MTA1: variants seen among roughly 807,000 people sequenced by gnomAD.
MTA1 encodes metastasis-associated protein MTA1.
MTA1 carries 15 observed loss-of-function variants against 97.0 expected under a neutral mutation model. The ratio of observed to expected loss-of-function variants is 0.15; its 90% CI spans 0.10 to 0.24. The LOEUF (loss-of-function observed/expected upper bound fraction) is 0.24, where lower values mean the gene tolerates loss of function less well. Among genes scored for constraint, MTA1 ranks in the 10% least tolerant of loss-of-function variants. The pLI, the probability that MTA1 is intolerant of heterozygous loss-of-function variation, is 1.00. For missense variants in MTA1, 709 were observed against 1,015.1 expected, an observed-to-expected ratio of 0.70 and a Z score of 4.10; for synonymous variants, 435 against 417.5, an observed-to-expected ratio of 1.04 and a Z score of -0.51.
intron 1 of MTA1, among the ~76,000 whole-genome samples, chr14:105,431,107 T>C (rs1555423239): frequency 6.6e-6 from 1 of 152,216 alleles, no homozygotes. Context: ...TGACACTGCT[T>C]ACCTGGAGAG....
chr14:105,449,236 G>A (rs1456778808), intron 3 of MTA1, 123 bp from the exon 4 acceptor site: 2 of 925,806 alleles, frequency 2.2e-6, no homozygotes, highest in Admixed American at 3.0e-5. Context: ...CCCACCGGGA[G>A]GCCTGCGGCC....
chr14:105,460,442 C>T lies in MTA1; in HGVS notation c.738C>T (p.Ser246=), dbSNP rs191162842. Residue 246 remains serine, a synonymous_variant, in exon 9 of 21, where the codon TCC becomes TCT. Transcript: ENST00000331320. ...PSLHMSAAAA[S]RDITLFHAMD... ...TGCACATGAGCGCCGCAGCTGCCTC[C>T]CGAGACATCACCCTGGTAAGTGGGC... 2.2e-5 allele frequency: 36 copies of T among 1,610,580 alleles called. No homozygotes were observed. The East Asian group carries it at 7.1e-4, about 32-fold the overall frequency.
chr14:105,424,363 T>A lies in MTA1; in HGVS notation c.28+4300T>A, dbSNP rs1555421746. ...CGCCCGCCACCATGCCTGGCTAATG[T>A]TTTGTAATTTTTTTTTTTTTGTAGA... is the stretch of plus-strand genomic sequence containing the variant. On this transcript the variant is annotated intron_variant, in intron 1 of 20. Transcript: ENST00000331320. The surrounding 1 kb of genome is among the most constrained non-coding windows in gnomAD (Gnocchi z 4.0). Among the ~76,000 whole-genome samples, 1 of 151,906 alleles carries A rather than the reference T, an allele frequency of 6.6e-6. No individual in the cohort carries two copies. The highest frequency in any genetic ancestry group is 1.5e-5 in the Non-Finnish European group (1 of 67,996).
In MTA1 at chr14:105,463,869, T is replaced by C. The variant is rs1361634968; in HGVS notation, c.1077-163T>C. On this transcript the variant is annotated intron_variant, in intron 12 of 20. Transcript: ENST00000331320. The surrounding 1 kb of genome is among the most constrained non-coding windows in gnomAD (Gnocchi z 5.9). ...GAACGGCTCAGACCTCAGCAGTGGC[T>C]CCCAGGAACTGAAAGGGGAGAAAGG... 3 of 725,542 alleles carry C rather than the reference T, an allele frequency of 4.1e-6. No individual in the cohort carries two copies. The highest frequency in any genetic ancestry group is 2.9e-4 in the Middle Eastern group (1 of 3,490). The allele number at this position is 725,542 out of a possible 1,614,324, so 44.9% of individuals were successfully genotyped here.
chr14:105,451,304 G>A (rs955424414), intron 6 of MTA1, among the ~76,000 whole-genome samples: 8 of 152,258 alleles, frequency 5.3e-5, no homozygotes, highest in Non-Finnish European at 8.8e-5. Context: ...AGGCGTGAAG[G>A]GCGACAGTGG....
At chr14:105,467,747 A>C in intron 18 of MTA1, 1 of 307,774 alleles carries the variant, frequency 3.2e-6, no homozygotes, top group Non-Finnish European at 6.4e-6. Context: ...GGGCCAGCCC[A>C]CTCTGGGCTG....
chr14:105,467,283 G>T (rs782377796), intron 18 of MTA1: 29 of 400,886 alleles, frequency 7.2e-5, no homozygotes, highest in Middle Eastern at 8.3e-4. Context: ...ACCAAGCCTA[G>T]CATGAGGAGG....
intron 10 of MTA1, among the ~76,000 whole-genome samples, chr14:105,462,402 C>G (rs2083391049): frequency 6.6e-6 from 1 of 151,554 alleles, no homozygotes; most frequent in South Asian, 2.1e-4. Flanking sequence ...AACGCCATGT[C>G]TACTAAAAAT....
At position 105,463,584 on chromosome 14, in the gene MTA1, G is replaced by A. The variant is rs587613496; in HGVS notation, c.1076+33G>A. ...TGCCCTCACAGCCGTCGTCCTCGTG[G>A]CCCCGGGGGCCAGGGAGGGTGGGCA... On this transcript the variant is annotated intron_variant, in intron 12 of 20. Transcript: ENST00000331320. This position sits in a 1 kb window ranked among gnomAD's most constrained non-coding sequence, Gnocchi z 5.9. 4.4e-6 allele frequency: 7 copies of A among 1,608,382 alleles called. No individual in the cohort carries two copies. The highest frequency in any genetic ancestry group is 6.0e-6 in the Non-Finnish European group (7 of 1,176,078).
rs781849930 is a variant in MTA1 at position 105,450,054 on chromosome 14, T to G, written c.242-4T>G. On this transcript the variant is annotated splice_polypyrimidine_tract_variant and splice_region_variant and intron_variant, in intron 4 of 20. Coordinates refer to ENST00000331320, the MANE Select transcript of MTA1 (RefSeq NM_004689.4). ...GGTGCTGACAGGGGCTCCTTGTCCT[T>G]CAGGGGAAATAGAAGAGGAAATGGA... 3.0e-5 allele frequency: 49 copies of G among 1,613,328 alleles called. No individual in the cohort carries two copies. The highest frequency in any genetic ancestry group is 4.0e-5 in the Non-Finnish European group (47 of 1,179,848).
chr14:105,460,641 C>T, intron 9 of MTA1, 124 bp from the exon 10 acceptor site: 1 of 1,249,434 alleles, frequency 8.0e-7, no homozygotes, highest in Non-Finnish European at 1.1e-6. Context: ...GCTGAGGGTG[C>T]AGGGAGGGTT....
At chr14:105,450,735 TAC>T (rs1449478230) in intron 6 of MTA1, among the ~76,000 whole-genome samples, 2 of 152,150 alleles carry the variant, frequency 1.3e-5, no homozygotes, top group Admixed American at 6.5e-5. Flanking sequence ...TATACGGTGT[TAC>T]CAGGTGATTC....
chr14:105,447,255 G>A (rs1280636074), intron 3 of MTA1, among the ~76,000 whole-genome samples: 6 of 152,190 alleles, frequency 3.9e-5, no homozygotes, highest in East Asian at 1.9e-4. Context: ...CAGGCTGAGC[G>A]GCCGCAGTGT....
Position 105,457,083 on chromosome 14 carries a change from A to G in MTA1, c.551-1187A>G, listed in dbSNP as rs374151416. ...GCGCCCCAGTGGAGGGCAGCCCCGC[A>G]CTCCGTGGTCCTTGGTCTGGAACCT... On this transcript the variant is annotated intron_variant, in intron 7 of 20. Coordinates refer to ENST00000331320, the MANE Select transcript of MTA1 (RefSeq NM_004689.4). Among the ~76,000 whole-genome samples the G allele has an allele frequency of 6.0e-4, 91 of 152,202 alleles. 2 individuals are homozygous for G. The East Asian group carries it at 7.3e-3, about 12-fold the overall frequency.
In MTA1 at chr14:105,441,591, G is replaced by A. The variant is rs1017190952; in HGVS notation, c.96+2852G>A. On this transcript the variant is annotated intron_variant, in intron 2 of 20. Coordinates refer to ENST00000331320, the MANE Select transcript of MTA1 (RefSeq NM_004689.4). ...GGGCGGATCACAAGATCAGGAGATC[G>A]AGACCATCCTGGCTAATACGGTGAA... is the stretch of plus-strand genomic sequence containing the variant. Among the ~76,000 whole-genome samples, 3 of 152,320 alleles carry A rather than the reference G, an allele frequency of 2.0e-5. No homozygotes were observed. In the East Asian group the frequency reaches 5.8e-4, roughly 29 times the overall value.
chr14:105,438,562 T>TGAG (rs2082400293), intron 1 of MTA1, 110 bp from the exon 2 acceptor site: 2 of 888,774 alleles, frequency 2.3e-6, no homozygotes, highest in Admixed American at 1.8e-5. Context: ...GGAGCAGAGG[T>TGAG]GAGGGGATGA....
chr14:105,428,015 CA>C (rs11421824), intron 1 of MTA1, among the ~76,000 whole-genome samples: 2 of 109,854 alleles, frequency 1.8e-5, no homozygotes, highest in Non-Finnish European at 1.7e-5. Context: ...GAGACTCTCT[CA>C]AAAAAAAAAA....
In MTA1 at chr14:105,449,327, G is replaced by A. The variant is rs201799165; in HGVS notation, c.191-32G>A. The A allele has an allele frequency of 3.6e-5, 58 of 1,606,704 alleles. 1 individual carries two copies. The highest frequency in any genetic ancestry group is 2.2e-5 in the East Asian group (1 of 44,666). Reference sequence around the variant, plus strand: ...AGCAGGCCGCCACCCTGTGCTGACCGTGCTGCCGGGTGCTGTCTGTCTGTT... The same window carrying A: ...AGCAGGCCGCCACCCTGTGCTGACCATGCTGCCGGGTGCTGTCTGTCTGTT... On this transcript the variant is annotated intron_variant, in intron 3 of 20. Coordinates refer to ENST00000331320, the MANE Select transcript of MTA1 (RefSeq NM_004689.4).
At chr14:105,468,552 T>C (rs587769914) in intron 18 of MTA1, among the ~76,000 whole-genome samples, 1 of 152,094 alleles carries the variant, frequency 6.6e-6, no homozygotes, top group East Asian at 1.9e-4. Flanking sequence ...CCCAGGGGAG[T>C]GCCCCAAGTT....
Sources: allele counts gnomAD v4.1 joint callset (sites outside exome capture counted in the v4.1 genomes callset), GRCh38; gene constraint gnomAD v4.1.1; non-coding constraint Gnocchi (gnomAD v3.1); transcripts MANE v1.5; gene names NCBI Gene and HGNC (gene_info 2026-07-23, HGNC 2026-07-21).